Variants in SPON1 observed in about 807,000 individuals in gnomAD.
SPON1 encodes the protein spondin 1.
Under a neutral mutation model 111.7 loss-of-function variants are expected in SPON1, and 52 were observed. The ratio of observed to expected loss-of-function variants is 0.47; its 90% CI spans 0.37 to 0.59. The LOEUF is 0.59. Ranked by LOEUF, SPON1 falls within the 20% of genes least tolerant of loss-of-function variation. The pLI is 0.00. For missense variants in SPON1, 957 were observed against 1,068.5 expected (o/e 0.90, Z 1.46); for synonymous variants, 410 against 395.8 (o/e 1.04, Z -0.43).
chr11:13,983,748 A>C (rs1554909994), intron 2 of SPON1, among the ~76,000 whole-genome samples: 1 of 152,188 alleles, frequency 6.6e-6, no homozygotes, highest in African/African-American at 2.4e-5. Flanking sequence ...AATTTGCTGT[A>C]ATTACTTCTC....
chr11:14,260,382 G>A (rs1849158245), intron 13 of SPON1, among the ~76,000 whole-genome samples: 1 of 152,110 alleles, frequency 6.6e-6, no homozygotes, highest in Non-Finnish European at 1.5e-5. Flanking sequence ...GGTCAGCAGG[G>A]AGATGAAAGA....
intron 4 of SPON1, among the ~76,000 whole-genome samples, chr11:14,076,188 A>G (rs1848916230): frequency 1.3e-5 from 2 of 152,230 alleles, no homozygotes; most frequent in South Asian, 4.1e-4. Flanking sequence ...ATTGACCTTA[A>G]ACATCGGAAT....
At chr11:14,209,283 TTA>T (rs1360556263) in intron 6 of SPON1, among the ~76,000 whole-genome samples, 4 of 152,218 alleles carry the variant, frequency 2.6e-5, no homozygotes, top group Non-Finnish European at 5.9e-5. Flanking sequence ...TTATTATACT[TTA>T]AGTTCTTGGA....
At chr11:14,088,137 G>A (rs1056048480) in intron 5 of SPON1, among the ~76,000 whole-genome samples, 2 of 152,146 alleles carry the variant, frequency 1.3e-5, no homozygotes, top group South Asian at 4.1e-4. Context: ...TACATTTAAG[G>A]TTAATATTGT....
At chr11:13,969,215 C>CA (rs3047401) in intron 1 of SPON1, among the ~76,000 whole-genome samples, 20,030 of 106,724 alleles carry the variant, frequency 0.19, 2,026 homozygotes, top group East Asian at 0.32. Context: ...CCCATCTCTA[C>CA]AAAAAAAAAA....
chr11:14,088,743 T>C (rs1554922991), intron 5 of SPON1, among the ~76,000 whole-genome samples: 1 of 152,188 alleles, frequency 6.6e-6, no homozygotes. Flanking sequence ...CTTGGTTCCA[T>C]TCTTGTCCTC....
chr11:14,003,853 T>C (rs2133794121), intron 2 of SPON1, among the ~76,000 whole-genome samples: 1 of 152,304 alleles, frequency 6.6e-6, no homozygotes, highest in Non-Finnish European at 1.5e-5. Flanking sequence ...TTCATCCTCA[T>C]GCTATACATT....
chr11:14,052,881 C>A (rs781823609), intron 3 of SPON1, among the ~76,000 whole-genome samples: 4 of 152,184 alleles, frequency 2.6e-5, no homozygotes, highest in Non-Finnish European at 5.9e-5. Context: ...CTAGGCACAG[C>A]AGTAAACTGA....
chr11:14,121,654 A>C (rs1158186858), intron 5 of SPON1, among the ~76,000 whole-genome samples: 1 of 152,190 alleles, frequency 6.6e-6, no homozygotes, highest in Admixed American at 6.5e-5. Context: ...AGAAGAGATT[A>C]AAGGTGCACC....
At chr11:13,975,121 C>T (rs1284682641) in intron 1 of SPON1, among the ~76,000 whole-genome samples, 1 of 152,074 alleles carries the variant, frequency 6.6e-6, no homozygotes, top group Non-Finnish European at 1.5e-5. Flanking sequence ...ATTGTTCATA[C>T]CTCCATAACA....
intron 5 of SPON1, among the ~76,000 whole-genome samples, chr11:14,101,817 T>C (rs1165104503): frequency 6.6e-6 from 1 of 152,256 alleles, no homozygotes; most frequent in Non-Finnish European, 1.5e-5. Context: ...ACTATGTTGC[T>C]TATTTCAACT....
chr11:14,041,613 T>A lies in SPON1; in HGVS notation c.438T>A (p.Phe146Leu). 1.2e-6 allele frequency: 2 copies of A among 1,613,932 alleles called. No homozygotes were observed. Among genetic ancestry groups the A allele is most frequent in the Non-Finnish European group, 1.7e-6 (2 of 1,179,870 alleles). ...GGAGGAGGACCCGGATCCAGGTGTT[T>A]TGGATAGCACCACCAGCGGGAACAG... ...TPRRRTRIQV[F>L]WIAPPAGTGC... Residue 146 changes from phenylalanine (F) to leucine (L), a missense_variant, in exon 3 of 16, where the codon TTT (phenylalanine) becomes TTA (leucine). Phe to Leu is a conservative substitution (Grantham distance 22). This residue lies in a region of SPON1 where 262 missense variants were observed against 253.9 expected (regional missense o/e 1.03). Coordinates refer to ENST00000576479, the MANE Select transcript of SPON1 (RefSeq NM_006108.4).
chr11:14,155,098 T>A (rs1439644509), intron 6 of SPON1, among the ~76,000 whole-genome samples: 1 of 152,216 alleles, frequency 6.6e-6, no homozygotes, highest in Non-Finnish European at 1.5e-5. Context: ...CAGCTTTTGG[T>A]CACAACAATT....
At position 14,173,455 on chromosome 11, in the gene SPON1, G is replaced by A. The variant is rs150764570; in HGVS notation, c.825+37887G>A. 2.5e-3 allele frequency among the ~76,000 whole-genome samples: 377 copies of A among 152,040 alleles called. 2 individuals carry two copies. Among genetic ancestry groups the A allele is most frequent in the Middle Eastern group, 3.4e-3 (1 of 294 alleles). ...TGGTTCGAACTTCCTCCTTTAGCTC[G>A]GAGTAGTTGGATCTTCTGAAGCCTT... On this transcript the variant is annotated intron_variant, in intron 6 of 15. Transcript: ENST00000576479.
chr11:14,260,777 C>T (rs1362571675), intron 14 of SPON1, 25 bp downstream of exon 14: 2 of 1,605,532 alleles, frequency 1.2e-6, no homozygotes, highest in East Asian at 4.5e-5. Context: ...TCCTCAAGGC[C>T]CATCACTTCT....
At chr11:14,183,902 C>G (rs1457575453) in intron 6 of SPON1, among the ~76,000 whole-genome samples, 2 of 152,136 alleles carry the variant, frequency 1.3e-5, no homozygotes, top group East Asian at 3.9e-4. Flanking sequence ...AATATTCACC[C>G]CCTCACAGTA....
intron 6 of SPON1, among the ~76,000 whole-genome samples, chr11:14,238,838 A>G (rs1308274565): frequency 2.6e-5 from 4 of 152,142 alleles, no homozygotes; most frequent in African/African-American, 9.7e-5. Flanking sequence ...TCCTATTTTA[A>G]TTGGTATGTC....
chr11:14,188,145 T>A lies in SPON1; in HGVS notation c.825+52577T>A, dbSNP rs547160889. ...CTGGTCTCAAACTCCTGACCTCAGG[T>A]GACCCACCCACCTCAGTATCCCAAA... is the stretch of plus-strand genomic sequence containing the variant. On this transcript the variant is annotated intron_variant, in intron 6 of 15. Coordinates refer to ENST00000576479, the MANE Select transcript of SPON1 (RefSeq NM_006108.4). Among the ~76,000 whole-genome samples the A allele has an allele frequency of 2.2e-4, 33 of 152,222 alleles. 1 individual carries two copies. Among genetic ancestry groups the A allele is most frequent in the Non-Finnish European group, 8.8e-5 (6 of 68,012 alleles).
At chr11:14,066,094 A>T (rs1591366064) in intron 3 of SPON1, among the ~76,000 whole-genome samples, 2 of 152,364 alleles carry the variant, frequency 1.3e-5, no homozygotes, top group East Asian at 3.9e-4. Flanking sequence ...CTTGACTAGT[A>T]ATACCCCAGG....
Sources: gnomAD v4.1 joint callset for allele counts (sites outside exome capture counted in the v4.1 genomes callset) on GRCh38, gnomAD v4.1.1 for gene constraint, gnomAD v4.1.1 regional missense constraint, MANE v1.5 for transcripts, NCBI Gene and HGNC (gene_info 2026-07-23, HGNC 2026-07-21) for gene names.